WDR70: variants seen among roughly 807,000 people sequenced by gnomAD.
The protein encoded by WDR70 is WD repeat domain 70, also known as WD repeat-containing protein 70.
Under a neutral mutation model 88.6 loss-of-function variants are expected in WDR70, and 53 were observed. The ratio of observed to expected loss-of-function variants is 0.60; its 90% confidence interval spans 0.48 to 0.75. The LOEUF (loss-of-function observed/expected upper bound fraction) is 0.75. Among genes scored for constraint, WDR70 ranks in the 30% least tolerant of loss-of-function variants. The pLI is 0.00. For synonymous variants in WDR70, 280 were observed against 270.0 expected (o/e 1.04, Z -0.36); for missense variants, 610 against 823.2 (o/e 0.74, Z 3.17).
intron 10 of WDR70, among the ~76,000 whole-genome samples, chr5:37,674,878 A>G (rs1200635237): frequency 6.6e-6 from 1 of 151,692 alleles, no homozygotes; most frequent in Non-Finnish European, 1.5e-5. Flanking sequence ...ATTTCTCTAC[A>G]TCCTCTCCAG....
intron 9 of WDR70, among the ~76,000 whole-genome samples, chr5:37,548,924 G>A (rs1342832547): frequency 6.6e-6 from 1 of 152,074 alleles, no homozygotes; most frequent in East Asian, 1.9e-4. Flanking sequence ...TATGTTCTTG[G>A]CACCTTTGTA....
chr5:37,461,110 A>AT (rs1738987446), intron 7 of WDR70, among the ~76,000 whole-genome samples: 1 of 80,918 alleles, frequency 1.2e-5, no homozygotes, highest in Admixed American at 1.4e-4. Flanking sequence ...AACCTCAAAA[A>AT]AAAAAAAAAA....
At position 37,691,662 on chromosome 5, in the gene WDR70, T is replaced by C. The variant is rs187088981; in HGVS notation, c.1093-5993T>C. Among the ~76,000 whole-genome samples the C allele has an allele frequency of 1.9e-3, 289 of 152,194 alleles. 1 individual carries two copies. Among genetic ancestry groups the C allele is most frequent in the African/African-American group, 6.7e-3 (280 of 41,540 alleles). Reference sequence around the variant, plus strand: ...GAAATAAAGATGTTCTTTGAACCAATGAGAACAAAGACACAACGTACCAGA... The same window carrying C: ...GAAATAAAGATGTTCTTTGAACCAACGAGAACAAAGACACAACGTACCAGA... On this transcript the variant is annotated intron_variant, in intron 10 of 17. Transcript: ENST00000265107.
chr5:37,593,370 A>G (rs529648879), intron 9 of WDR70, among the ~76,000 whole-genome samples: 5 of 152,138 alleles, frequency 3.3e-5, no homozygotes, highest in South Asian at 2.1e-4. Context: ...TCATTGTTCA[A>G]TTCCCACCTA....
At chr5:37,534,552 C>T (rs1741601198) in intron 9 of WDR70, among the ~76,000 whole-genome samples, 1 of 141,368 alleles carries the variant, frequency 7.1e-6, no homozygotes. Flanking sequence ...GGCTGGAGTG[C>T]AGAGGCACAA....
At chr5:37,745,470 G>T (rs184366237) in intron 17 of WDR70, among the ~76,000 whole-genome samples, 1 of 151,842 alleles carries the variant, frequency 6.6e-6, no homozygotes, top group East Asian at 1.9e-4. Context: ...TTAAAAGATA[G>T]ACACAGACTG....
At chr5:37,489,258 G>A (rs1350665701) in intron 8 of WDR70, among the ~76,000 whole-genome samples, 1 of 152,320 alleles carries the variant, frequency 6.6e-6, no homozygotes. Flanking sequence ...GTTCAGACAG[G>A]CTGATATTTG....
rs565501144 is a variant in WDR70, at chr5:37,449,329, C to T, written c.686+5957C>T. On this transcript the variant is annotated intron_variant, in intron 7 of 17. Transcript: ENST00000265107. ...GCTCCAGGCCGGGCGCAGTGGCTCA[C>T]GCCTGTAATCCCAGCACTTTGGGAG... 2.6e-3 allele frequency among the ~76,000 whole-genome samples: 394 copies of T among 152,192 alleles called. 2 individuals carry two copies. Among genetic ancestry groups the T allele is most frequent in the African/African-American group, 8.2e-3 (341 of 41,526 alleles).
chr5:37,390,184 G>T (rs887751585), intron 3 of WDR70, among the ~76,000 whole-genome samples: 6 of 150,586 alleles, frequency 4.0e-5, no homozygotes, highest in African/African-American at 1.2e-4. Flanking sequence ...AGGGAAAAAA[G>T]TTAATATTTT....
intron 7 of WDR70, among the ~76,000 whole-genome samples, chr5:37,467,704 T>TTTTTA (rs1157432183): frequency 3.0e-4 from 45 of 150,138 alleles, no homozygotes; most frequent in Middle Eastern, 3.5e-3. Flanking sequence ...CCCGGCTAAT[T>TTTTTA]TTTTATTTTA....
chr5:37,692,810 C>A (rs1007980211), intron 10 of WDR70, among the ~76,000 whole-genome samples: 1 of 152,132 alleles, frequency 6.6e-6, no homozygotes, highest in Non-Finnish European at 1.5e-5. Flanking sequence ...CAGCACAAGA[C>A]AAGGATGCCC....
intron 10 of WDR70, among the ~76,000 whole-genome samples, chr5:37,624,315 C>T (rs1014495998): frequency 6.6e-6 from 1 of 152,076 alleles, no homozygotes; most frequent in African/African-American, 2.4e-5. Flanking sequence ...ACTTTCTGTT[C>T]GCAGCTTATT....
intron 10 of WDR70, among the ~76,000 whole-genome samples, chr5:37,681,571 T>A (rs965333266): frequency 6.6e-6 from 1 of 152,214 alleles, no homozygotes; most frequent in Non-Finnish European, 1.5e-5. Context: ...GGGTTTGTCA[T>A]AGATGGCTCT....
At chr5:37,634,574 A>G (rs1744907746) in intron 10 of WDR70, among the ~76,000 whole-genome samples, 1 of 152,208 alleles carries the variant, frequency 6.6e-6, no homozygotes, top group African/African-American at 2.4e-5. Context: ...TATAAGGAAG[A>G]CAGATTGGAG....
intron 8 of WDR70, among the ~76,000 whole-genome samples, chr5:37,499,711 T>C (rs1432080968): frequency 6.6e-6 from 1 of 150,378 alleles, no homozygotes; most frequent in Non-Finnish European, 1.5e-5. Flanking sequence ...ACACCACCGC[T>C]CCTGGCTAAT....
intron 9 of WDR70, among the ~76,000 whole-genome samples, chr5:37,531,716 A>G (rs1216694649): frequency 1.3e-5 from 2 of 150,410 alleles, no homozygotes; most frequent in Non-Finnish European, 2.9e-5. Flanking sequence ...CCATTCTGCC[A>G]TTCTGTATCT....
chr5:37,556,537 T>A (rs1742299558), intron 9 of WDR70, among the ~76,000 whole-genome samples: 2 of 152,252 alleles, frequency 1.3e-5, no homozygotes, highest in Admixed American at 1.3e-4. Context: ...TTAAGCAAAC[T>A]TACTAATGAT....
At chr5:37,722,478 C>CA (rs3214463) in intron 14 of WDR70, 15,525 of 210,474 alleles carry the variant, frequency 0.074, 652 homozygotes, top group South Asian at 0.12. Flanking sequence ...GTAGACCACC[C>CA]AGGTTGCTTT....
intron 10 of WDR70, among the ~76,000 whole-genome samples, chr5:37,666,550 A>G (rs921557349): frequency 6.6e-6 from 1 of 152,224 alleles, no homozygotes; most frequent in African/African-American, 2.4e-5. Flanking sequence ...TAGTGCTAAT[A>G]GAACCCACTA....
Sources: gnomAD v4.1 joint callset for allele counts (sites outside exome capture counted in the v4.1 genomes callset) on GRCh38, gnomAD v4.1.1 for gene constraint, MANE v1.5 for transcripts, NCBI Gene and HGNC (gene_info 2026-07-23, HGNC 2026-07-21) for gene names.